PKIA: variants seen among roughly 807,000 people sequenced by gnomAD.
PKIA encodes the protein cAMP-dependent protein kinase inhibitor alpha.
In PKIA, 4 loss-of-function variants were observed where a neutral mutation model predicts 7.6. That is an observed-to-expected ratio of 0.52 (90% CI 0.26 to 1.20). The LOEUF (loss-of-function observed/expected upper bound fraction) is 1.20, where lower values mean the gene tolerates loss of function less well. PKIA is among the 50% of genes most tolerant of loss of function. The pLI is 0.13. For synonymous variants in PKIA, 21 were observed against 30.7 expected (o/e 0.68, Z 1.04); for missense variants, 73 against 86.2 (o/e 0.85, Z 0.61).
intron 1 of PKIA, among the ~76,000 whole-genome samples, chr8:78,528,601 G>A (rs574786547): frequency 6.6e-6 from 1 of 151,354 alleles, no homozygotes; most frequent in Non-Finnish European, 1.5e-5. Flanking sequence ...GAGGCAGGAG[G>A]GTCATTAAGG....
intron 1 of PKIA, among the ~76,000 whole-genome samples, chr8:78,519,078 G>T (rs1041966954): frequency 6.6e-6 from 1 of 151,778 alleles, no homozygotes; most frequent in Non-Finnish European, 1.5e-5. Flanking sequence ...ATGGAAGGAC[G>T]TGCATGATTA....
chr8:78,522,213 A>G (rs999792654), intron 1 of PKIA, among the ~76,000 whole-genome samples: 12 of 151,972 alleles, frequency 7.9e-5, no homozygotes, highest in Admixed American at 4.6e-4. Flanking sequence ...ATGTCAAGTA[A>G]TATACACTAT....
intron 2 of PKIA, among the ~76,000 whole-genome samples, chr8:78,574,329 G>A (rs1339235750): frequency 6.6e-6 from 1 of 151,806 alleles, no homozygotes; most frequent in Admixed American, 6.6e-5. Context: ...TTTTGCTATA[G>A]TCACCTTACT....
At chr8:78,532,004 A>G (rs1197833506) in intron 1 of PKIA, among the ~76,000 whole-genome samples, 2 of 152,150 alleles carry the variant, frequency 1.3e-5, no homozygotes, top group African/African-American at 2.4e-5. Flanking sequence ...TAGCAGTCTC[A>G]TATTTGGAAC....
intron 1 of PKIA, among the ~76,000 whole-genome samples, chr8:78,569,786 T>C (rs1402419768): frequency 6.6e-6 from 1 of 151,984 alleles, no homozygotes; most frequent in Non-Finnish European, 1.5e-5. Context: ...ATAGAAAGTA[T>C]AAGCAACAAA....
rs113368201 is a variant in PKIA at position 78,525,916 on chromosome 8, C to T, written c.-157+9448C>T. Among the ~76,000 whole-genome samples, 1,075 of 151,172 alleles carry T rather than the reference C, an allele frequency of 7.1e-3. 8 individuals carry two copies. The highest frequency in any genetic ancestry group is 0.024 in the African/African-American group (996 of 41,378). On this transcript the variant is annotated intron_variant, in intron 1 of 3. Coordinates refer to ENST00000396418, the MANE Select transcript of PKIA (RefSeq NM_006823.4). ...CCATTTACTAGCTGTGTGATTTATA[C>T]GTTACTCAACCTCTGTGAGTTGTTT...
At chr8:78,564,812 ACTAT>A (rs955554435) in intron 1 of PKIA, among the ~76,000 whole-genome samples, 14 of 152,056 alleles carry the variant, frequency 9.2e-5, no homozygotes, top group East Asian at 3.9e-4. Flanking sequence ...TAATTATGAG[ACTAT>A]CTAGCAAAAT....
At chr8:78,558,301 A>C (rs1807192839) in intron 1 of PKIA, 1 of 151,746 alleles carries the variant, frequency 6.6e-6, no homozygotes, top group African/African-American at 2.4e-5. Flanking sequence ...TCAGGCTTGA[A>C]CTCCACTAAT....
rs201359563 is a variant in PKIA, at chr8:78,519,040, G to GT, written c.-157+2573dup. Among the ~76,000 whole-genome samples, 309 of 152,124 alleles carry GT rather than the reference G, an allele frequency of 2.0e-3. 11 individuals carry two copies. In the East Asian group the frequency reaches 0.052, roughly 26 times the overall value. On this transcript the variant is annotated intron_variant, in intron 1 of 3. Transcript: ENST00000396418. ...AGGGAGAGGAAAAACTAATTGGCTG[G>GT]TGTTCAGAATTGAAAGAGGAATGAA...
At chr8:78,521,993 G>A (rs903510236) in intron 1 of PKIA, among the ~76,000 whole-genome samples, 3 of 151,656 alleles carry the variant, frequency 2.0e-5, no homozygotes, top group Non-Finnish European at 4.4e-5. Flanking sequence ...TTGTCCTTTT[G>A]TCTCTAGCTT....
intron 1 of PKIA, among the ~76,000 whole-genome samples, chr8:78,525,091 AT>A: frequency 6.6e-6 from 1 of 151,668 alleles, no homozygotes; most frequent in East Asian, 1.9e-4. Flanking sequence ...TAAGTTGGAA[AT>A]TAGAGGTGAA....
At chr8:78,568,558 C>A (rs1266966840) in intron 1 of PKIA, among the ~76,000 whole-genome samples, 1 of 152,198 alleles carries the variant, frequency 6.6e-6, no homozygotes, top group Admixed American at 6.5e-5. Flanking sequence ...ATAGGAGGCA[C>A]CAAATAGTGA....
rs138077378 is a variant in PKIA at position 78,518,001 on chromosome 8, A to G, written c.-157+1533A>G. Among the ~76,000 whole-genome samples the G allele has an allele frequency of 5.3e-3, 800 of 152,362 alleles. 10 individuals carry two copies. The highest frequency in any genetic ancestry group is 0.017 in the African/African-American group (721 of 41,586). On this transcript the variant is annotated intron_variant, in intron 1 of 3. Coordinates refer to ENST00000396418, the MANE Select transcript of PKIA (RefSeq NM_006823.4). ...AAAAGAGGGGCAGAGTTGGTAGCTT[A>G]AAATTTTACCTCTTTCTTTCCTCTT...
At chr8:78,558,186 T>C (rs1249466738) in intron 1 of PKIA, among the ~76,000 whole-genome samples, 2 of 152,206 alleles carry the variant, frequency 1.3e-5, no homozygotes, top group East Asian at 1.9e-4. Flanking sequence ...TTATAATCTT[T>C]GCAGTGTCCC....
At chr8:78,521,333 G>A (rs967885707) in intron 1 of PKIA, among the ~76,000 whole-genome samples, 1 of 152,016 alleles carries the variant, frequency 6.6e-6, no homozygotes, top group Non-Finnish European at 1.5e-5. Context: ...GATAATTTAT[G>A]TTCATCCCTC....
At chr8:78,583,283 T>G (rs1409484599) in intron 2 of PKIA, among the ~76,000 whole-genome samples, 1 of 152,150 alleles carries the variant, frequency 6.6e-6, no homozygotes, top group Non-Finnish European at 1.5e-5. Context: ...GCATGAAAAC[T>G]GAAGTGCAGA....
rs182276156 is a variant in PKIA, at chr8:78,601,679, G to A, written c.152-63G>A. ...AAGTTACCAATATGACATATTGACA[G>A]TTGGTAAATAAAAGCAATCATTTTT... On this transcript the variant is annotated intron_variant, in intron 3 of 3. Coordinates refer to ENST00000396418, the MANE Select transcript of PKIA (RefSeq NM_006823.4). The A allele has an allele frequency of 2.3e-3, 2,722 of 1,206,270 alleles. 9 individuals carry two copies. Among genetic ancestry groups the A allele is most frequent in the Non-Finnish European group, 2.7e-3 (2,225 of 826,578 alleles). The allele number at this position is 1,206,270 out of a possible 1,614,324, so 74.7% of individuals were successfully genotyped here.
intron 1 of PKIA, among the ~76,000 whole-genome samples, chr8:78,553,894 A>C (rs7835965): frequency 0.044 from 6,763 of 152,058 alleles, 446 homozygotes; most frequent in African/African-American, 0.14. Flanking sequence ...TCAACAAAAC[A>C]AACCCAGTGG....
chr8:78,552,251 T>C (rs2118474005), intron 1 of PKIA, among the ~76,000 whole-genome samples: 1 of 151,658 alleles, frequency 6.6e-6, no homozygotes, highest in South Asian at 2.1e-4. Context: ...GGTAATCTAC[T>C]GAATAAAAGA....
Sources: allele counts gnomAD v4.1 joint callset (sites outside exome capture counted in the v4.1 genomes callset), GRCh38; gene constraint gnomAD v4.1.1; transcripts MANE v1.5; gene names NCBI Gene and HGNC (gene_info 2026-07-23, HGNC 2026-07-21).